Variants in SIDT2 observed in about 807,000 individuals in gnomAD.
The protein encoded by SIDT2 is SID1 transmembrane family member 2, also known as SID1 transmembrane family, member 2.
In SIDT2, 68 loss-of-function variants were observed where a neutral mutation model predicts 114.4. The ratio of observed to expected loss-of-function variants is 0.59; its 90% CI spans 0.49 to 0.73. The LOEUF is 0.73. SIDT2 is among the 30% of genes least tolerant of loss of function. SIDT2 has a pLI of 0.00. For synonymous variants in SIDT2, 470 were observed against 438.4 expected (o/e 1.07, Z -0.90); for missense variants, 918 against 1,097.1 (o/e 0.84, Z 2.31).
rs754567366 is a variant in SIDT2, at chr11:117,192,889, G to C, written c.2105+23G>C. The C allele has an allele frequency of 2.5e-6, 4 of 1,614,080 alleles. No homozygotes were observed. Among genetic ancestry groups the C allele is most frequent in the Non-Finnish European group, 3.4e-6 (4 of 1,180,020 alleles). On this transcript the variant is annotated intron_variant, in intron 22 of 25. Transcript: ENST00000324225. This position sits in a 1 kb window ranked among gnomAD's most constrained non-coding sequence, Gnocchi z 5.9. ...GCTGTGAGTATGGTCAGCAGTAGTG[G>C]CCTGGTTGGGTGGACAGCTGGGGAC...
intron 24 of SIDT2, among the ~76,000 whole-genome samples, chr11:117,194,827 G>A (rs981053393): frequency 1.3e-5 from 2 of 152,008 alleles, no homozygotes; most frequent in East Asian, 1.9e-4. Context: ...GGTGGCTCAC[G>A]CCTGTAATCC....
chr11:117,192,045 T>C lies in SIDT2; in HGVS notation c.1872+31T>C, dbSNP rs1308021403. 6.8e-6 allele frequency: 11 copies of C among 1,612,904 alleles called. No individual in the cohort carries two copies. Among genetic ancestry groups the C allele is most frequent in the Non-Finnish European group, 9.3e-6 (11 of 1,179,368 alleles). ...GGCCTGACCTGCTCTGCTCAGCCTG[T>C]ATGATAGGAAAGGTGCACGTGCGTT... is the stretch of plus-strand genomic sequence containing the variant. On this transcript the variant is annotated intron_variant, in intron 19 of 25. Coordinates refer to ENST00000324225, the MANE Select transcript of SIDT2 (RefSeq NM_001040455.2). This position sits in a 1 kb window ranked among gnomAD's most constrained non-coding sequence, Gnocchi z 5.9.
intron 2 of SIDT2, 76 bp downstream of exon 2, chr11:117,181,613 C>G (rs186114355): frequency 1.9e-6 from 3 of 1,602,620 alleles, no homozygotes; most frequent in African/African-American, 1.3e-5. Flanking sequence ...CAGGAGCCCC[C>G]CCATTTCTCC....
chr11:117,196,228 T>A lies in SIDT2; in HGVS notation c.*162T>A. 1 of 908,042 alleles carries A rather than the reference T, an allele frequency of 1.1e-6. No homozygotes were observed. The highest frequency in any genetic ancestry group is 1.7e-6 in the Non-Finnish European group (1 of 606,038). The allele number at this position is 908,042 out of a possible 1,614,324, so 56.2% of individuals were successfully genotyped here. A position where few individuals can be genotyped will look rare whatever the true frequency, so the allele number is the denominator to read the frequency against. ...GCTTAGGCTTGGCCTGGGACAGCCATGGGGTGGCATGGAACCTTGCAGCTG... is the reference window on the plus strand; with the variant it reads ...GCTTAGGCTTGGCCTGGGACAGCCAAGGGGTGGCATGGAACCTTGCAGCTG... On this transcript the variant is annotated 3_prime_UTR_variant, in exon 26 of 26. Coordinates refer to ENST00000324225, the MANE Select transcript of SIDT2 (RefSeq NM_001040455.2). The surrounding 1 kb of genome is among the most constrained non-coding windows in gnomAD (Gnocchi z 4.9).
Position 117,193,885 on chromosome 11 carries a change from C to T in SIDT2, c.2244C>T (p.Pro748=), listed in dbSNP as rs1016502192. Residue 748 remains proline, a synonymous_variant, in exon 24 of 26, where the codon CCC becomes CCT. Coordinates refer to ENST00000324225, the MANE Select transcript of SIDT2 (RefSeq NM_001040455.2). ...LRSGERIKLI[P]LLCIVCTSVV... is the part of the protein sequence containing the mutation. The stretch of plus-strand genomic sequence containing the variant: ...GTGGGGAGAGGATCAAGCTCATCCC[C>T]CTGCTCTGCATCGTTTGCACCTCCG... The T allele has an allele frequency of 5.0e-6, 8 of 1,613,986 alleles. No homozygotes were observed. The Admixed American group carries it at 5.0e-5, about 10-fold the overall frequency.
In SIDT2 at chr11:117,178,827, T is replaced by TA; in HGVS notation, c.-436dup. 1 of 173,922 alleles carries TA rather than the reference T, an allele frequency of 5.7e-6. No individual in the cohort carries two copies. The highest frequency in any genetic ancestry group is 1.2e-5 in the Non-Finnish European group (1 of 80,970). The allele number at this position is 173,922 out of a possible 1,614,324, so 10.8% of individuals were successfully genotyped here. ...ACTCGCAGCCCAGCACGGCGTCGGG[T>TA]AGCTACCACCTATCACGCCCCTCAC... On this transcript the variant is annotated 5_prime_UTR_variant, in exon 1 of 26. Coordinates refer to ENST00000324225, the MANE Select transcript of SIDT2 (RefSeq NM_001040455.2).
chr11:117,189,570 T>C (rs2030625938), intron 15 of SIDT2, 169 bp downstream of exon 15: 3 of 679,966 alleles, frequency 4.4e-6, no homozygotes, highest in Non-Finnish European at 7.5e-6. Context: ...CCCCCAACCC[T>C]GAGTGTCAGT....
At position 117,196,227 on chromosome 11, in the gene SIDT2, A is replaced by G; in HGVS notation, c.*161A>G. ...AGCTTAGGCTTGGCCTGGGACAGCC[A>G]TGGGGTGGCATGGAACCTTGCAGCT... On this transcript the variant is annotated 3_prime_UTR_variant, in exon 26 of 26. Coordinates refer to ENST00000324225, the MANE Select transcript of SIDT2 (RefSeq NM_001040455.2). The surrounding 1 kb of genome is among the most constrained non-coding windows in gnomAD (Gnocchi z 4.9). The G allele has an allele frequency of 1.1e-6, 1 of 907,516 alleles. No individual in the cohort carries two copies. Among genetic ancestry groups the G allele is most frequent in the Non-Finnish European group, 1.7e-6 (1 of 605,512 alleles). The allele number at this position is 907,516 out of a possible 1,614,324, so 56.2% of individuals were successfully genotyped here.
intron 22 of SIDT2, 60 bp from the exon 23 acceptor site, chr11:117,193,093 G>A (rs2134260176): frequency 6.5e-7 from 1 of 1,536,746 alleles, no homozygotes. Flanking sequence ...AGGCAGGGCA[G>A]GAAGAGCACT....
Position 117,184,084 on chromosome 11 carries a change from C to G in SIDT2, c.813C>G (p.Val271=), listed in dbSNP as rs377458681. ...PFYPFAEDEP[V]DQGHRQKTLS... is the part of the protein sequence containing the mutation. Reference sequence around the variant, plus strand: ...ACATTTTACTTCCAGATGAACCGGTCGATCAAGGGCACCGCCAGAAAACCC... The same window carrying G: ...ACATTTTACTTCCAGATGAACCGGTGGATCAAGGGCACCGCCAGAAAACCC... Residue 271 remains valine, a synonymous_variant, in exon 8 of 26, where the codon GTC becomes GTG. Transcript: ENST00000324225. The G allele has an allele frequency of 6.2e-7, 1 of 1,614,068 alleles. No homozygotes were observed. Among genetic ancestry groups the G allele is most frequent in the African/African-American group, 1.3e-5 (1 of 75,018 alleles).
At position 117,184,154 on chromosome 11, in the gene SIDT2, T is replaced by G. The variant is rs753918008; in HGVS notation, c.868+15T>G. The G allele has an allele frequency of 3.7e-6, 6 of 1,612,436 alleles. No individual in the cohort carries two copies. The Admixed American group carries it at 8.4e-5, about 22-fold the overall frequency. The stretch of plus-strand genomic sequence containing the variant: ...AGCAGTCACGTGTGAGTGCTGCAGG[T>G]GGCTGAGAGGGGATGGACAAGCCTC... On this transcript the variant is annotated intron_variant, in intron 8 of 25. Coordinates refer to ENST00000324225, the MANE Select transcript of SIDT2 (RefSeq NM_001040455.2).
intron 2 of SIDT2, 52 bp downstream of exon 2, chr11:117,181,589 G>T: frequency 6.2e-7 from 1 of 1,609,140 alleles, no homozygotes. Context: ...CCAGTCCTTG[G>T]CTGGAGCCTC....
At chr11:117,181,761 C>G (rs781757775) in intron 2 of SIDT2, 46 bp from the exon 3 acceptor site, 1 of 1,611,998 alleles carries the variant, frequency 6.2e-7, no homozygotes, top group Non-Finnish European at 8.5e-7. Context: ...AGGGGCAGGC[C>G]GGCTGGGACA....
chr11:117,188,549 TCCCAGCTCCTGAG>T lies in SIDT2; in HGVS notation c.1160-154_1160-142del, dbSNP rs910114307. The T allele has an allele frequency of 2.2e-5, 14 of 631,032 alleles. No individual in the cohort carries two copies. In the African/African-American group the frequency reaches 2.4e-4, roughly 11 times the overall value. 39.1% of individuals were successfully genotyped at this position (631,032 alleles called of 1,614,324 possible). A position where few individuals can be genotyped will look rare whatever the true frequency, so the allele number is the denominator to read the frequency against. On this transcript the variant is annotated intron_variant, in intron 12 of 25. Coordinates refer to ENST00000324225, the MANE Select transcript of SIDT2 (RefSeq NM_001040455.2). This position sits in a 1 kb window ranked among gnomAD's most constrained non-coding sequence, Gnocchi z 4.0. ...GGACTTAGGAGCACCTGATGTCTCC[TCCCAGCTCCTGAG>T]CCCACTTCCACCCCAACTCTGAGGC...
Position 117,192,085 on chromosome 11 carries a change from A to G in SIDT2, c.1872+71A>G. The G allele has an allele frequency of 6.2e-7, 1 of 1,600,266 alleles. No homozygotes were observed. Among genetic ancestry groups the G allele is most frequent in the Non-Finnish European group, 8.5e-7 (1 of 1,171,436 alleles). ...GCACGTGCGTTCAGACACGTAGTGC[A>G]CACCCTCCGCCACCTCCTGCATGAG... On this transcript the variant is annotated intron_variant, in intron 19 of 25. Transcript: ENST00000324225. This position sits in a 1 kb window ranked among gnomAD's most constrained non-coding sequence, Gnocchi z 5.9.
intron 8 of SIDT2, among the ~76,000 whole-genome samples, chr11:117,184,866 C>T (rs1373138643): frequency 6.6e-6 from 1 of 152,114 alleles, no homozygotes; most frequent in Non-Finnish European, 1.5e-5. Context: ...GCTGGGATTA[C>T]AGGCACCTGC....
rs2030889888 is a variant in SIDT2, at chr11:117,196,135, G to C, written c.*69G>C. 1.2e-6 allele frequency: 2 copies of C among 1,602,572 alleles called. No homozygotes were observed. Among genetic ancestry groups the C allele is most frequent in the South Asian group, 2.2e-5 (2 of 90,636 alleles). ...CTTTGTGTCATAGACCGGTCACTCT[G>C]TCGTGCTGTGGGGATGAGTCCCAGC... On this transcript the variant is annotated 3_prime_UTR_variant, in exon 26 of 26. Transcript: ENST00000324225. This position sits in a 1 kb window ranked among gnomAD's most constrained non-coding sequence, Gnocchi z 4.9.
Position 117,182,044 on chromosome 11 carries a change from C to T in SIDT2, c.471-16C>T, listed in dbSNP as rs2030309057. 1 of 1,614,114 alleles carries T rather than the reference C, an allele frequency of 6.2e-7. No individual in the cohort carries two copies. ...GCTCCGGGGGTGACTGGTGGGGGCT[C>T]TTCTCTGCCCTGCAGGACTGGGGAG... On this transcript the variant is annotated splice_polypyrimidine_tract_variant and intron_variant, in intron 3 of 25. Coordinates refer to ENST00000324225, the MANE Select transcript of SIDT2 (RefSeq NM_001040455.2).
At chr11:117,183,998 C>G in intron 7 of SIDT2, 76 bp from the exon 8 acceptor site, 2 of 1,563,782 alleles carry the variant, frequency 1.3e-6, no homozygotes, top group Non-Finnish European at 8.8e-7. Flanking sequence ...TGGCTCCAGT[C>G]TCTCAAAGGC....
Sources: allele counts gnomAD v4.1 joint callset (sites outside exome capture counted in the v4.1 genomes callset), GRCh38; gene constraint gnomAD v4.1.1; non-coding constraint Gnocchi (gnomAD v3.1); transcripts MANE v1.5; gene names NCBI Gene and HGNC (gene_info 2026-07-23, HGNC 2026-07-21).